The following ADD3 variants were observed in gnomAD, a reference collection of about 807,000 sequenced individuals.
The protein encoded by ADD3 is adducin 3, also known as gamma-adducin.
Under a neutral mutation model 80.2 loss-of-function variants are expected in ADD3, and 25 were observed. That is an observed-to-expected ratio of 0.31 (90% confidence interval 0.23 to 0.44). The LOEUF (loss-of-function observed/expected upper bound fraction) is 0.44, where lower values mean the gene tolerates loss of function less well. Among genes scored for constraint, ADD3 ranks in the 20% least tolerant of loss-of-function variants. The pLI is 1.00. For missense variants in ADD3, 829 were observed against 847.5 expected, an observed-to-expected ratio of 0.98 and a Z score of 0.27; for synonymous variants, 284 against 289.6, an observed-to-expected ratio of 0.98 and a Z score of 0.20.
At chr10:110,091,903 A>T (rs1564961758) in intron 1 of ADD3, among the ~76,000 whole-genome samples, 1 of 152,184 alleles carries the variant, frequency 6.6e-6, no homozygotes, top group African/African-American at 2.4e-5. Context: ...CAGGTAAACA[A>T]CCCCTTAAGA....
At chr10:110,033,109 T>C (rs1855248579) in intron 1 of ADD3, among the ~76,000 whole-genome samples, 1 of 152,222 alleles carries the variant, frequency 6.6e-6, no homozygotes, top group East Asian at 1.9e-4. Context: ...ATATAATGTG[T>C]GTGAGCACAG....
At chr10:110,119,078 G>A (rs1851137572) in intron 6 of ADD3, 133 bp from the exon 7 acceptor site, 1 of 931,646 alleles carries the variant, frequency 1.1e-6, no homozygotes, top group Non-Finnish European at 1.6e-6. Context: ...AGTGAATAAA[G>A]TGGGAAGTGG....
At position 110,119,558 on chromosome 10, in the gene ADD3, G is replaced by C; in HGVS notation, c.954G>C (p.Glu318Asp). 2.5e-6 allele frequency: 4 copies of C among 1,612,058 alleles called. No individual in the cohort carries two copies. The highest frequency in any genetic ancestry group is 1.1e-5 in the South Asian group (1 of 90,812). The change falls in exon 8 of 15, where the codon GAG (glutamate) becomes GAC (aspartate). Residue 318 changes from glutamate to aspartate, a missense_variant. By Grantham distance (45) the Glu-to-Asp change is conservative. Transcript: ENST00000356080. ...TTTTTAATGTGCAACTAGCCTGTGA[G>C]ATTCAGGTAGGAAACATTATTCCCC... Reference protein sequence around the residue: ...HYIFNVQLACEIQVQALAGAG... With the variant: ...HYIFNVQLACDIQVQALAGAG...
At chr10:110,126,312 C>G (rs1010754076) in intron 11 of ADD3, 105 bp from the exon 12 acceptor site, 13 of 826,052 alleles carry the variant, frequency 1.6e-5, no homozygotes, top group East Asian at 1.1e-4. Context: ...TGAAGAGACT[C>G]TCACTCTGGA....
At chr10:110,026,532 G>A (rs559543510) in intron 1 of ADD3, among the ~76,000 whole-genome samples, 25 of 152,008 alleles carry the variant, frequency 1.6e-4, no homozygotes, top group African/African-American at 6.0e-4. Flanking sequence ...CGCCCACCTC[G>A]GCCTCCCAAA....
intron 1 of ADD3, among the ~76,000 whole-genome samples, chr10:110,089,128 A>AG (rs1419367828): frequency 6.6e-6 from 1 of 152,206 alleles, no homozygotes; most frequent in African/African-American, 2.4e-5. Context: ...GTGGGTATGC[A>AG]GTAAAGTATG....
chr10:110,117,236 T>C (rs1850853067), intron 4 of ADD3, 106 bp from the exon 5 acceptor site: 1 of 594,514 alleles, frequency 1.7e-6, no homozygotes, highest in East Asian at 2.9e-5. Context: ...TTGGTTTTTT[T>C]TTTCCTGATC....
At chr10:110,079,441 AGAGAGAGAGAGAGAGAGAGAGT>A (rs1366994350) in intron 1 of ADD3, 1 of 124,694 alleles carries the variant, frequency 8.0e-6, no homozygotes, top group African/African-American at 3.5e-5. Flanking sequence ...AGAGAGAGAG[AGAGAGAGAGAGAGAGAGAGAGT>A]GTGTGTGTGT....
intron 1 of ADD3, among the ~76,000 whole-genome samples, chr10:110,011,150 C>T (rs1033316680): frequency 1.3e-5 from 2 of 151,646 alleles, no homozygotes; most frequent in Non-Finnish European, 2.9e-5. Flanking sequence ...GCACTAATTC[C>T]CATTGGAGAT....
chr10:110,059,199 C>T (rs957420937), intron 1 of ADD3, among the ~76,000 whole-genome samples: 9 of 152,170 alleles, frequency 5.9e-5, no homozygotes, highest in Admixed American at 1.3e-4. Context: ...AGGCCGGGTA[C>T]AGTGGCTCAT....
At chr10:110,117,453 C>A (rs760921267) in intron 5 of ADD3, 31 bp downstream of exon 5, 10 of 1,354,534 alleles carry the variant, frequency 7.4e-6, no homozygotes, top group Middle Eastern at 1.8e-4. Context: ...GTTGCTTTTT[C>A]TGAGCTTTCT....
chr10:110,077,893 GAGA>G (rs1845558946), intron 1 of ADD3, among the ~76,000 whole-genome samples: 1 of 151,964 alleles, frequency 6.6e-6, no homozygotes, highest in Admixed American at 6.6e-5. Flanking sequence ...TGGGCATGTA[GAGA>G]GAGAGAGGCT....
intron 12 of ADD3, among the ~76,000 whole-genome samples, chr10:110,129,206 A>G (rs1214453652): frequency 4.0e-5 from 6 of 149,162 alleles, no homozygotes; most frequent in African/African-American, 9.9e-5. Flanking sequence ...CTGGAGCGCA[A>G]TGGCGTGACC....
chr10:109,999,274 A>G (rs559154900), intron 1 of ADD3, among the ~76,000 whole-genome samples: 1 of 152,344 alleles, frequency 6.6e-6, no homozygotes, highest in African/African-American at 2.4e-5. Context: ...TCCATGTTCA[A>G]TGAGGAGACC....
chr10:110,075,263 A>C (rs983397432), intron 1 of ADD3, among the ~76,000 whole-genome samples: 1 of 152,078 alleles, frequency 6.6e-6, no homozygotes, highest in Non-Finnish European at 1.5e-5. Context: ...CCTTTATTGG[A>C]AGGGTGATAT....
rs186606410 is a variant in ADD3 at position 110,060,100 on chromosome 10, C to T, written c.-29-40525C>T. 5.9e-4 allele frequency among the ~76,000 whole-genome samples: 90 copies of T among 152,274 alleles called. 1 individual carries two copies. Among genetic ancestry groups the T allele is most frequent in the African/African-American group, 2.1e-3 (86 of 41,538 alleles). ...GGGAACATTTATGTTTTTTAGACTGCGACTTCCTGTTCAGCTGAGAAGATA... is the reference window on the plus strand; with the variant it reads ...GGGAACATTTATGTTTTTTAGACTGTGACTTCCTGTTCAGCTGAGAAGATA... On this transcript the variant is annotated intron_variant, in intron 1 of 14. Coordinates refer to ENST00000356080, the MANE Select transcript of ADD3 (RefSeq NM_016824.5).
At chr10:110,011,914 C>G (rs1367379545) in intron 1 of ADD3, among the ~76,000 whole-genome samples, 1 of 152,206 alleles carries the variant, frequency 6.6e-6, no homozygotes, top group Non-Finnish European at 1.5e-5. Context: ...CCAAGACAGT[C>G]TCAAATTTTT....
chr10:110,074,460 A>ATG (rs757841123), intron 1 of ADD3, among the ~76,000 whole-genome samples: 3 of 152,164 alleles, frequency 2.0e-5, no homozygotes, highest in Non-Finnish European at 4.4e-5. Flanking sequence ...GTATTTGAGA[A>ATG]TGTACAGGCA....
chr10:110,009,966 A>G (rs1170744345), intron 1 of ADD3, among the ~76,000 whole-genome samples: 6 of 152,238 alleles, frequency 3.9e-5, no homozygotes, highest in African/African-American at 1.2e-4. Context: ...ATTTTGCATG[A>G]TAGAAGGATA....
Sources: gnomAD v4.1 joint callset for allele counts (sites outside exome capture counted in the v4.1 genomes callset) on GRCh38, gnomAD v4.1.1 for gene constraint, MANE v1.5 for transcripts, NCBI Gene and HGNC (gene_info 2026-07-23, HGNC 2026-07-21) for gene names.